Variants in AKR1E2 observed in about 807,000 individuals in gnomAD.
AKR1E2 encodes the protein aldo-keto reductase family 1 member E2, also known as 1,5-anhydro-D-fructose reductase.
In AKR1E2, 43 loss-of-function variants were observed where a neutral mutation model predicts 41.9. The ratio of observed to expected loss-of-function variants is 1.03; its 90% CI spans 0.80 to 1.32. The LOEUF (loss-of-function observed/expected upper bound fraction) is 1.32. AKR1E2 is among the 40% of genes most tolerant of loss of function. The pLI, the probability that AKR1E2 is intolerant of heterozygous loss-of-function variation, is 0.00. For synonymous variants in AKR1E2, 121 were observed against 138.9 expected, an observed-to-expected ratio of 0.87 and a Z score of 0.91; for missense variants, 423 against 396.5, an observed-to-expected ratio of 1.07 and a Z score of -0.57.
the AKR1E2 span, among the ~76,000 whole-genome samples, chr10:4,864,299 G>T: frequency 3.3e-5 from 5 of 152,146 alleles, no homozygotes; most frequent in African/African-American, 9.7e-5. Flanking sequence ...TGCAAGGCTG[G>T]TTCAACATAT....
intron 1 of AKR1E2, among the ~76,000 whole-genome samples, chr10:4,828,329 G>T (rs1418539288): frequency 1.3e-5 from 2 of 152,232 alleles, no homozygotes; most frequent in Admixed American, 1.3e-4. Flanking sequence ...AAGGGGAGCG[G>T]TGAGATGTCT....
intron 2 of AKR1E2, among the ~76,000 whole-genome samples, chr10:4,831,238 C>A (rs954184482): frequency 1.6e-4 from 24 of 152,238 alleles, no homozygotes; most frequent in African/African-American, 5.5e-4. Context: ...GAAGGAGAAA[C>A]TCTGGGTGTG....
At chr10:4,826,514 GC>G in intron 1 of AKR1E2, 151 bp downstream of exon 1, 1 of 661,954 alleles carries the variant, frequency 1.5e-6, no homozygotes, top group Non-Finnish European at 2.1e-6. Context: ...TGAGGTGGCC[GC>G]CCACCGCCCA....
chr10:4,855,176 G>C, the AKR1E2 span, among the ~76,000 whole-genome samples: 3 of 152,312 alleles, frequency 2.0e-5, no homozygotes, highest in East Asian at 5.8e-4. Context: ...GCCTCAGGCA[G>C]TGCTTCACCA....
the AKR1E2 span, among the ~76,000 whole-genome samples, chr10:4,854,604 A>G: frequency 6.6e-6 from 1 of 152,082 alleles, no homozygotes; most frequent in Admixed American, 6.6e-5. Flanking sequence ...GGGGTCCAGT[A>G]ACATTTTTCT....
chr10:4,848,317 C>T (rs575835664), downstream of AKR1E2, among the ~76,000 whole-genome samples: 5 of 152,354 alleles, frequency 3.3e-5, no homozygotes, highest in Non-Finnish European at 5.9e-5. Context: ...CTCACATCTG[C>T]TCATTCAGCC....
chr10:4,839,844 G>C lies in AKR1E2; in HGVS notation c.680+18G>C, dbSNP rs1315628383. 5.6e-6 allele frequency: 9 copies of C among 1,606,282 alleles called. No homozygotes were observed. Among genetic ancestry groups the C allele is most frequent in the Non-Finnish European group, 7.7e-6 (9 of 1,173,122 alleles). ...GGCTCGTGGTAAGGATACCTCAGTGGTGTGTTAGTCAGAGTCCGACTGGGA... is the reference window on the plus strand; with the variant it reads ...GGCTCGTGGTAAGGATACCTCAGTGCTGTGTTAGTCAGAGTCCGACTGGGA... On this transcript the variant is annotated intron_variant, in intron 6 of 9. Transcript: ENST00000298375.
chr10:4,848,936 G>A (rs1378050327), downstream of AKR1E2, among the ~76,000 whole-genome samples: 1 of 152,238 alleles, frequency 6.6e-6, no homozygotes, highest in African/African-American at 2.4e-5. Context: ...GTTCTAGGAA[G>A]AATGCATTGT....
the AKR1E2 span, among the ~76,000 whole-genome samples, chr10:4,863,264 C>T: frequency 6.6e-6 from 1 of 152,206 alleles, no homozygotes; most frequent in Non-Finnish European, 1.5e-5. Context: ...AACTGTCTCT[C>T]AGACCATAGT....
intron 8 of AKR1E2, among the ~76,000 whole-genome samples, chr10:4,844,772 G>A (rs1834184670): frequency 6.6e-6 from 1 of 152,236 alleles, no homozygotes; most frequent in African/African-American, 2.4e-5. Context: ...GATACAGAGT[G>A]CCGATTGGTG....
At chr10:4,841,711 G>A in intron 6 of AKR1E2, 74 bp from the exon 7 acceptor site, 1 of 1,170,874 alleles carries the variant, frequency 8.5e-7, no homozygotes, top group Non-Finnish European at 1.2e-6. Context: ...TTTGGACAAA[G>A]ATTTCTTCTT....
intron 3 of AKR1E2, 41 bp downstream of exon 3, chr10:4,833,507 C>T (rs372920989): frequency 1.1e-5 from 17 of 1,531,654 alleles, no homozygotes; most frequent in Non-Finnish European, 1.4e-5. Context: ...TTTGCAGGAC[C>T]TTCCTCCCCG....
intron 7 of AKR1E2, 80 bp downstream of exon 7, chr10:4,841,937 G>T: frequency 7.5e-7 from 1 of 1,324,924 alleles, no homozygotes; most frequent in Non-Finnish European, 1.0e-6. Flanking sequence ...GGCTTGGCAG[G>T]TCCCAGGAAG....
rs35429729 is a variant in AKR1E2 at position 4,830,789 on chromosome 10, T to G, written c.154T>G (p.Cys52Gly). The G allele has an allele frequency of 9.0e-4, 1,458 of 1,614,140 alleles. 13 individuals are homozygous for G. The African/African-American group carries it at 0.018, about 20-fold the overall frequency. Reference protein sequence around the residue: ...NEREVGAGIRCKIKEGAVRRE... With the variant: ...NEREVGAGIRGKIKEGAVRRE... ...GAGGGAGGTTGGAGCAGGGATCCGT[T>G]GCAAGATCAAGGAAGGCGCTGTAAG... The change falls in exon 2 of 10, where the codon TGC (cysteine) becomes GGC (glycine). Residue 52 changes from cysteine to glycine, a missense_variant. Coordinates refer to ENST00000298375, the MANE Select transcript of AKR1E2 (RefSeq NM_001040177.3).
intron 1 of AKR1E2, among the ~76,000 whole-genome samples, chr10:4,828,652 A>T (rs554560235): frequency 9.2e-5 from 14 of 152,310 alleles, no homozygotes; most frequent in African/African-American, 3.1e-4. Context: ...CAGCTTGGAG[A>T]TAATTGACAC....
chr10:4,828,985 A>G (rs959962207), intron 1 of AKR1E2, among the ~76,000 whole-genome samples: 2 of 147,302 alleles, frequency 1.4e-5, no homozygotes, highest in African/African-American at 2.7e-5. Flanking sequence ...TGATCATATC[A>G]TCAGCAAATA....
chr10:4,826,509 T>A (rs1832519239), intron 1 of AKR1E2, 146 bp downstream of exon 1: 1 of 738,102 alleles, frequency 1.4e-6, no homozygotes, highest in Admixed American at 4.4e-5. Flanking sequence ...GCTGCTGAGG[T>A]GGCCGCCCAC....
chr10:4,871,067 T>C, the AKR1E2 span, among the ~76,000 whole-genome samples: 11 of 152,306 alleles, frequency 7.2e-5, no homozygotes, highest in East Asian at 1.3e-3. Context: ...TCTTATGTTA[T>C]GCTATTGATT....
intron 5 of AKR1E2, among the ~76,000 whole-genome samples, chr10:4,839,136 C>T (rs1833674632): frequency 6.6e-6 from 1 of 152,238 alleles, no homozygotes; most frequent in African/African-American, 2.4e-5. Flanking sequence ...AGAGATCCTG[C>T]TCTCTAGCTT....
Sources: allele counts gnomAD v4.1 joint callset (sites outside exome capture counted in the v4.1 genomes callset), GRCh38; gene constraint gnomAD v4.1.1; transcripts MANE v1.5; gene names NCBI Gene and HGNC (gene_info 2026-07-23, HGNC 2026-07-21).